The following CDH18 variants were observed in gnomAD, a reference collection of about 807,000 sequenced individuals.
CDH18 encodes cadherin 18.
In CDH18, 31 loss-of-function variants were observed where a neutral mutation model predicts 67.9. That is an observed-to-expected ratio of 0.46 (90% CI 0.34 to 0.62). The LOEUF (loss-of-function observed/expected upper bound fraction) is 0.62, where lower values mean the gene tolerates loss of function less well. CDH18 is among the 20% of genes least tolerant of loss of function. The pLI is 0.01. For synonymous variants in CDH18, 362 were observed against 347.2 expected, an observed-to-expected ratio of 1.04 and a Z score of -0.48; for missense variants, 890 against 975.5, an observed-to-expected ratio of 0.91 and a Z score of 1.17.
At chr5:19,820,276 T>G (rs1438967329) in intron 3 of CDH18, among the ~76,000 whole-genome samples, 1 of 151,748 alleles carries the variant, frequency 6.6e-6, no homozygotes, top group Non-Finnish European at 1.5e-5. Context: ...ACACCCAGAG[T>G]GACCTAGCAA....
At chr5:20,336,290 G>A (rs1739729580) in intron 1 of CDH18, among the ~76,000 whole-genome samples, 1 of 152,156 alleles carries the variant, frequency 6.6e-6, no homozygotes, top group African/African-American at 2.4e-5. Flanking sequence ...GAATGAGAGA[G>A]GACACAGTTA....
chr5:19,981,590 C>T (rs1359460531), intron 1 of CDH18, among the ~76,000 whole-genome samples: 2 of 152,078 alleles, frequency 1.3e-5, no homozygotes, highest in Admixed American at 6.6e-5. Flanking sequence ...ATCCTTATGA[C>T]CTAAGCATTT....
chr5:19,558,482 C>T (rs1323234843), intron 8 of CDH18, among the ~76,000 whole-genome samples: 3 of 151,758 alleles, frequency 2.0e-5, no homozygotes, highest in Admixed American at 1.3e-4. Context: ...ATACCACAGA[C>T]ATACAAAAGA....
chr5:20,515,123 G>T (rs189056271), intron 1 of CDH18, among the ~76,000 whole-genome samples: 1 of 151,940 alleles, frequency 6.6e-6, no homozygotes, highest in South Asian at 2.1e-4. Context: ...TGTAAATATT[G>T]TTGAATGCAT....
intron 2 of CDH18, among the ~76,000 whole-genome samples, chr5:19,967,946 T>C (rs1322802440): frequency 3.3e-5 from 5 of 151,842 alleles, no homozygotes; most frequent in Admixed American, 2.6e-4. Flanking sequence ...AAAACCCCAT[T>C]GTCTCAGCCC....
At chr5:20,212,091 C>A (rs540919015) in intron 2 of CDH18, among the ~76,000 whole-genome samples, 49 of 152,238 alleles carry the variant, frequency 3.2e-4, no homozygotes, top group African/African-American at 1.2e-3. Flanking sequence ...CCTTAAATGA[C>A]CTGATGAAGC....
At chr5:19,601,569 T>C (rs561199777) in intron 6 of CDH18, among the ~76,000 whole-genome samples, 1 of 151,844 alleles carries the variant, frequency 6.6e-6, no homozygotes, top group African/African-American at 2.4e-5. Context: ...TTGCAAAAAG[T>C]AAAAAAAGAG....
chr5:19,988,391 C>T (rs1799779740), upstream of CDH18, among the ~76,000 whole-genome samples: 1 of 152,018 alleles, frequency 6.6e-6, no homozygotes. Flanking sequence ...CAACCCCCCA[C>T]CGTGCATACT....
chr5:20,486,341 A>G (rs1753176535), intron 1 of CDH18, among the ~76,000 whole-genome samples: 1 of 152,206 alleles, frequency 6.6e-6, no homozygotes, highest in Non-Finnish European at 1.5e-5. Context: ...CAAAGCCTAT[A>G]GAGATTGCAT....
chr5:20,020,424 C>T (rs934092445), intron 2 of CDH18, among the ~76,000 whole-genome samples: 1 of 152,158 alleles, frequency 6.6e-6, no homozygotes, highest in African/African-American at 2.4e-5. Context: ...ACCTTCATGG[C>T]AGCTCCTCCC....
At chr5:20,438,146 C>T (rs13356966) in intron 1 of CDH18, among the ~76,000 whole-genome samples, 30,791 of 150,708 alleles carry the variant, frequency 0.2, 3,549 homozygotes, top group East Asian at 0.3. Flanking sequence ...GATATATCAT[C>T]CCTATTCACG....
At chr5:20,210,869 G>C (rs1740298937) in intron 2 of CDH18, among the ~76,000 whole-genome samples, 1 of 151,898 alleles carries the variant, frequency 6.6e-6, no homozygotes, top group African/African-American at 2.4e-5. Context: ...ATTCTGCTGA[G>C]TAATGACTAC....
At chr5:19,892,353 A>C (rs2150086943) in intron 2 of CDH18, among the ~76,000 whole-genome samples, 1 of 152,332 alleles carries the variant, frequency 6.6e-6, no homozygotes, top group East Asian at 1.9e-4. Context: ...ATAATAAATA[A>C]GGAAATTCAA....
intron 1 of CDH18, among the ~76,000 whole-genome samples, chr5:20,399,193 T>C (rs1745553616): frequency 6.6e-6 from 1 of 152,172 alleles, no homozygotes; most frequent in African/African-American, 2.4e-5. Flanking sequence ...AACAGAATAT[T>C]AGAAATGAAA....
chr5:20,499,322 G>A (rs1335635983), intron 1 of CDH18, among the ~76,000 whole-genome samples: 1 of 151,892 alleles, frequency 6.6e-6, no homozygotes. Context: ...AAATGCTATG[G>A]AAATATTTAA....
intron 8 of CDH18, among the ~76,000 whole-genome samples, chr5:19,567,236 T>A (rs998200450): frequency 5.9e-5 from 9 of 152,162 alleles, no homozygotes; most frequent in African/African-American, 2.2e-4. Flanking sequence ...TTGCTGCAAA[T>A]TACACATCTT....
intron 2 of CDH18, among the ~76,000 whole-genome samples, chr5:19,999,914 A>T (rs1342975916): frequency 6.6e-6 from 1 of 152,176 alleles, no homozygotes; most frequent in African/African-American, 2.4e-5. Flanking sequence ...TTTTATCGAT[A>T]ATTCTCAAAT....
At chr5:20,486,183 A>G (rs1213717547) in intron 1 of CDH18, among the ~76,000 whole-genome samples, 1 of 152,208 alleles carries the variant, frequency 6.6e-6, no homozygotes, top group African/African-American at 2.4e-5. Context: ...TAAGTATATT[A>G]GACTAGCAAG....
chr5:20,436,244 G>T (rs1349601792), intron 1 of CDH18, among the ~76,000 whole-genome samples: 1 of 151,918 alleles, frequency 6.6e-6, no homozygotes, highest in Non-Finnish European at 1.5e-5. Flanking sequence ...AACAGTTGTT[G>T]TTAATTGGGT....
Sources: allele counts gnomAD v4.1 joint callset (sites outside exome capture counted in the v4.1 genomes callset), GRCh38; gene constraint gnomAD v4.1.1; transcripts MANE v1.5; gene names NCBI Gene and HGNC (gene_info 2026-07-23, HGNC 2026-07-21).